PTPRN2: variants seen among roughly 807,000 people sequenced by gnomAD.
PTPRN2 encodes receptor-type tyrosine-protein phosphatase N2.
A neutral mutation model predicts 118.8 loss-of-function variants in PTPRN2; 74 were observed. The ratio of observed to expected loss-of-function variants is 0.62; its 90% CI spans 0.52 to 0.76. The LOEUF is 0.76. Ranked by LOEUF, PTPRN2 falls within the 30% of genes least tolerant of loss-of-function variation. The pLI is 0.00. For synonymous variants in PTPRN2, 641 were observed against 608.0 expected (o/e 1.05, Z -0.80); for missense variants, 1,481 against 1,394.4 (o/e 1.06, Z -0.99).
intron 12 of PTPRN2, among the ~76,000 whole-genome samples, chr7:157,782,712 C>G (rs1248042337): frequency 6.6e-6 from 1 of 152,258 alleles, no homozygotes; most frequent in Non-Finnish European, 1.5e-5. Flanking sequence ...GATGATCACA[C>G]AGCATCGCAT....
At chr7:157,975,156 C>A (rs906485181) in intron 11 of PTPRN2, among the ~76,000 whole-genome samples, 1 of 152,130 alleles carries the variant, frequency 6.6e-6, no homozygotes, top group Admixed American at 6.5e-5. Flanking sequence ...TTTCTGGGGC[C>A]CCCCAGTTCC....
intron 12 of PTPRN2, among the ~76,000 whole-genome samples, chr7:157,715,343 A>G (rs1211617340): frequency 6.6e-6 from 1 of 152,156 alleles, no homozygotes; most frequent in Non-Finnish European, 1.5e-5. Flanking sequence ...AGATGCAAGG[A>G]CACTGGGGTG....
chr7:158,220,733 C>A (rs1473071786), intron 3 of PTPRN2, among the ~76,000 whole-genome samples: 3 of 151,914 alleles, frequency 2.0e-5, no homozygotes, highest in Non-Finnish European at 4.4e-5. Context: ...GAACAACATT[C>A]CACGCTCATG....
intron 12 of PTPRN2, among the ~76,000 whole-genome samples, chr7:157,756,738 T>G (rs550292534): frequency 6.6e-6 from 1 of 151,944 alleles, no homozygotes; most frequent in Non-Finnish European, 1.5e-5. Context: ...TGTCCTTACC[T>G]TCATAGGAAT....
intron 15 of PTPRN2, among the ~76,000 whole-genome samples, chr7:157,605,178 T>A (rs146631442): frequency 2.0e-5 from 3 of 152,322 alleles, no homozygotes; most frequent in African/African-American, 7.2e-5. Flanking sequence ...GCGAGGGGTG[T>A]GTGAGGAGCA....
rs1335497119 is a variant in PTPRN2, at chr7:157,944,474, T to C, written c.1724-45737A>G. Among the ~76,000 whole-genome samples the C allele has an allele frequency of 6.6e-6, 1 of 152,244 alleles. No individual in the cohort carries two copies. The highest frequency in any genetic ancestry group is 1.5e-5 in the Non-Finnish European group (1 of 68,038). ...AACCTAAGTTTGTGAGAAAAGGATC[T>C]ATTGGAAAATTCTTCTTTTTAAAAA... On this transcript the variant is annotated intron_variant, in intron 11 of 22. Coordinates refer to ENST00000389418, the MANE Select transcript of PTPRN2 (RefSeq NM_002847.5). This position sits in a 1 kb window ranked among gnomAD's most constrained non-coding sequence, Gnocchi z 4.3.
intron 11 of PTPRN2, among the ~76,000 whole-genome samples, chr7:158,070,888 A>T (rs533938772): frequency 4.6e-4 from 48 of 103,674 alleles, no homozygotes; most frequent in African/African-American, 2.0e-3. Flanking sequence ...ATGGTGGTGG[A>T]GGTGCCCATG....
At chr7:158,248,235 C>T (rs1290091456) in intron 3 of PTPRN2, among the ~76,000 whole-genome samples, 2 of 152,158 alleles carry the variant, frequency 1.3e-5, no homozygotes, top group Non-Finnish European at 2.9e-5. Flanking sequence ...GGGCTGGAGG[C>T]AAATGTCAGA....
Position 157,642,496 on chromosome 7 carries a change from G to A in PTPRN2, c.2196+13861C>T, listed in dbSNP as rs552834329. 5.9e-5 allele frequency among the ~76,000 whole-genome samples: 9 copies of A among 152,252 alleles called. No individual in the cohort carries two copies. The East Asian group carries it at 7.7e-4, about 13-fold the overall frequency. On this transcript the variant is annotated intron_variant, in intron 14 of 22. Transcript: ENST00000389418. ...GTCACTGGACAGACCAGATGGAGGCGGCCTCTGGTCTCGCCTCCTCGCCTC... is the reference window on the plus strand; with the variant it reads ...GTCACTGGACAGACCAGATGGAGGCAGCCTCTGGTCTCGCCTCCTCGCCTC...
chr7:157,798,482 G>A (rs1471006369), intron 12 of PTPRN2, among the ~76,000 whole-genome samples: 2 of 151,892 alleles, frequency 1.3e-5, no homozygotes, highest in Non-Finnish European at 2.9e-5. Flanking sequence ...GTCGTTAGCA[G>A]TGGCCCCTCC....
chr7:157,972,543 ACG>A (rs1802411413), intron 11 of PTPRN2, among the ~76,000 whole-genome samples: 1 of 114,746 alleles, frequency 8.7e-6, no homozygotes. Flanking sequence ...TTCAGAGACC[ACG>A]GGAACTCCAC....
chr7:157,928,617 G>C (rs966301682), intron 11 of PTPRN2, among the ~76,000 whole-genome samples: 5 of 146,402 alleles, frequency 3.4e-5, no homozygotes, highest in African/African-American at 1.3e-4. Context: ...CTCACAAGCT[G>C]ATCAATCTGA....
At chr7:157,740,179 G>C (rs1374759067) in intron 12 of PTPRN2, 1 of 152,208 alleles carries the variant, frequency 6.6e-6, no homozygotes, top group Non-Finnish European at 1.5e-5. Context: ...TATATGGTGA[G>C]CTACCTTAAT....
In PTPRN2 at chr7:157,861,089, C is replaced by T. The variant is rs917863453; in HGVS notation, c.1788+37584G>A. Reference sequence around the variant, plus strand: ...TTGGAAGAGGAACCCCACGGCACAGCGGACACCATGTGGGACCCCAGCACG... The same window carrying T: ...TTGGAAGAGGAACCCCACGGCACAGTGGACACCATGTGGGACCCCAGCACG... On this transcript the variant is annotated intron_variant, in intron 12 of 22. Transcript: ENST00000389418. The surrounding 1 kb of genome is among the most constrained non-coding windows in gnomAD (Gnocchi z 5.8). Among the ~76,000 whole-genome samples the T allele has an allele frequency of 4.6e-5, 7 of 152,318 alleles. No individual in the cohort carries two copies. The highest frequency in any genetic ancestry group is 2.1e-4 in the South Asian group (1 of 4,830).
At chr7:157,759,603 C>T (rs1197029035) in intron 12 of PTPRN2, among the ~76,000 whole-genome samples, 1 of 152,238 alleles carries the variant, frequency 6.6e-6, no homozygotes, top group Non-Finnish European at 1.5e-5. Context: ...GTGACTCAGA[C>T]ATGTGGGGCT....
In PTPRN2 at chr7:158,093,059, G is replaced by A. The variant is rs148937946; in HGVS notation, c.1644-11682C>T. 2.4e-4 allele frequency among the ~76,000 whole-genome samples: 37 copies of A among 152,328 alleles called. No individual in the cohort carries two copies. In the East Asian group the frequency reaches 3.5e-3, roughly 14 times the overall value. On this transcript the variant is annotated intron_variant, in intron 10 of 22. Coordinates refer to ENST00000389418, the MANE Select transcript of PTPRN2 (RefSeq NM_002847.5). The surrounding 1 kb of genome is among the most constrained non-coding windows in gnomAD (Gnocchi z 4.4). ...CCACCACTAGAATCACAACTTCGGC[G>A]TTCTTGGCTGAGAGCCTTCTGCGAG...
intron 22 of PTPRN2, among the ~76,000 whole-genome samples, chr7:157,545,028 G>A (rs1798217281): frequency 6.6e-6 from 1 of 150,380 alleles, no homozygotes; most frequent in South Asian, 2.1e-4. Flanking sequence ...GGTGTGCACT[G>A]TGTGTACACC....
rs1046537142 is a variant in PTPRN2 at position 157,730,198 on chromosome 7, G to C, written c.1789-47261C>G. 9.3e-5 allele frequency among the ~76,000 whole-genome samples: 11 copies of C among 118,846 alleles called. No individual in the cohort carries two copies. In the East Asian group the frequency reaches 9.3e-4, roughly 10 times the overall value. The allele number at this position is 118,846 out of a possible 152,430, so 78.0% of individuals were successfully genotyped here. A position where few individuals can be genotyped will look rare whatever the true frequency, so the allele number is the denominator to read the frequency against. Reference sequence around the variant, plus strand: ...CAGGCCACCACCCCTGCCCCCCCCCGGGCACTCGGGGTGAAGCTGTGTCAC... The same window carrying C: ...CAGGCCACCACCCCTGCCCCCCCCCCGGCACTCGGGGTGAAGCTGTGTCAC... On this transcript the variant is annotated intron_variant, in intron 12 of 22. Transcript: ENST00000389418.
At chr7:157,753,550 G>T (rs1801607060) in intron 12 of PTPRN2, among the ~76,000 whole-genome samples, 1 of 152,120 alleles carries the variant, frequency 6.6e-6, no homozygotes, top group Non-Finnish European at 1.5e-5. Flanking sequence ...TCACAGCATG[G>T]CAGTGACCCT....
Sources: gnomAD v4.1 joint callset for allele counts (sites outside exome capture counted in the v4.1 genomes callset) on GRCh38, gnomAD v4.1.1 for gene constraint, Gnocchi (gnomAD v3.1) non-coding constraint, MANE v1.5 for transcripts, NCBI Gene and HGNC (gene_info 2026-07-23, HGNC 2026-07-21) for gene names.